Variants in CNTN3 observed in about 807,000 individuals in gnomAD.
The protein encoded by CNTN3 is contactin-3.
A neutral mutation model predicts 119.1 loss-of-function variants in CNTN3; 60 were observed. The observed-to-expected ratio is 0.50, with a 90% confidence interval of 0.41 to 0.62. The LOEUF (loss-of-function observed/expected upper bound fraction) is 0.62. Among genes scored for constraint, CNTN3 ranks in the 20% least tolerant of loss-of-function variants. CNTN3 has a pLI of 0.00. For synonymous variants in CNTN3, 450 were observed against 438.7 expected, an observed-to-expected ratio of 1.03 and a Z score of -0.32; for missense variants, 1,101 against 1,242.4, an observed-to-expected ratio of 0.89 and a Z score of 1.71.
At chr3:74,370,160 G>A (rs1435971542) in intron 6 of CNTN3, among the ~76,000 whole-genome samples, 169 bp from the exon 7 acceptor site, 1 of 152,056 alleles carries the variant, frequency 6.6e-6, no homozygotes, top group East Asian at 1.9e-4. Flanking sequence ...CAGCCATCAA[G>A]TTGTTGATGA....
intron 4 of CNTN3, among the ~76,000 whole-genome samples, chr3:74,450,501 T>TG (rs150227938): frequency 0.28 from 28,315 of 100,028 alleles, 3,229 homozygotes; most frequent in East Asian, 0.51. Context: ...TCTGAAGCCC[T>TG]GTTTTTTTTT....
At chr3:74,496,651 A>G (rs1703069768) in intron 3 of CNTN3, among the ~76,000 whole-genome samples, 1 of 152,016 alleles carries the variant, frequency 6.6e-6, no homozygotes, top group Non-Finnish European at 1.5e-5. Flanking sequence ...TAACCCCATA[A>G]AAAGTGGAAG....
At chr3:74,579,259 CA>C (rs1317285365) in intron 1 of CNTN3, among the ~76,000 whole-genome samples, 1 of 150,952 alleles carries the variant, frequency 6.6e-6, no homozygotes, top group African/African-American at 2.4e-5. Context: ...ACAGCATGCA[CA>C]AATTGACAGA....
chr3:74,519,634 C>T (rs1380967778), intron 2 of CNTN3, among the ~76,000 whole-genome samples: 2 of 151,634 alleles, frequency 1.3e-5, no homozygotes, highest in Non-Finnish European at 3.0e-5. Context: ...TTTTGTGTCA[C>T]TTTTGCTCCT....
At chr3:74,314,596 T>C (rs922382623) in intron 13 of CNTN3, among the ~76,000 whole-genome samples, 23 of 152,152 alleles carry the variant, frequency 1.5e-4, no homozygotes, top group African/African-American at 5.6e-4. Flanking sequence ...TCCAAGAGGA[T>C]GTAACAATTC....
chr3:74,424,733 T>C (rs1473450525), intron 5 of CNTN3, 112 bp downstream of exon 5: 12 of 868,556 alleles, frequency 1.4e-5, no homozygotes, highest in Non-Finnish European at 2.1e-5. Context: ...AATCTAATGC[T>C]CAGGTTATCA....
chr3:74,451,004 T>A (rs576524228), intron 4 of CNTN3, among the ~76,000 whole-genome samples: 2 of 152,138 alleles, frequency 1.3e-5, no homozygotes, highest in East Asian at 1.9e-4. Flanking sequence ...AGCAGCATGA[T>A]TTATAGTCCT....
chr3:74,319,835 A>C (rs932326429), intron 13 of CNTN3, among the ~76,000 whole-genome samples: 21 of 151,856 alleles, frequency 1.4e-4, no homozygotes, highest in Admixed American at 1.1e-3. Context: ...AAAACAAACA[A>C]CCCCATCAAT....
At chr3:74,420,530 T>A (rs1052340030) in intron 5 of CNTN3, among the ~76,000 whole-genome samples, 1 of 152,226 alleles carries the variant, frequency 6.6e-6, no homozygotes, top group Admixed American at 6.5e-5. Context: ...AAACATTTAG[T>A]TAACTCTGGA....
At chr3:74,572,943 G>A (rs1413969334) in intron 1 of CNTN3, among the ~76,000 whole-genome samples, 4 of 152,216 alleles carry the variant, frequency 2.6e-5, no homozygotes, top group Non-Finnish European at 5.9e-5. Context: ...TGCCCGGGCA[G>A]TGCCATCTTT....
intron 1 of CNTN3, among the ~76,000 whole-genome samples, chr3:74,541,214 A>C (rs1703838368): frequency 6.6e-6 from 1 of 152,202 alleles, no homozygotes; most frequent in African/African-American, 2.4e-5. Context: ...ATTCCATTTC[A>C]AGCTGAAGGC....
At chr3:74,522,821 A>T (rs952226510) in intron 1 of CNTN3, among the ~76,000 whole-genome samples, 5 of 151,868 alleles carry the variant, frequency 3.3e-5, no homozygotes, top group Non-Finnish European at 5.9e-5. Flanking sequence ...CTAGCTATTA[A>T]AAGTGGTGTG....
intron 1 of CNTN3, among the ~76,000 whole-genome samples, chr3:74,583,643 G>T (rs1704549834): frequency 6.6e-6 from 1 of 152,056 alleles, no homozygotes; most frequent in African/African-American, 2.4e-5. Flanking sequence ...CCTTTCTATG[G>T]GTACCTGTGA....
chr3:74,375,721 T>C (rs1345771462), intron 5 of CNTN3, among the ~76,000 whole-genome samples: 1 of 152,094 alleles, frequency 6.6e-6, no homozygotes, highest in Non-Finnish European at 1.5e-5. Context: ...AGGTGGCCAC[T>C]GGAAGCCAGA....
chr3:74,564,211 C>G (rs898577472), intron 1 of CNTN3, among the ~76,000 whole-genome samples: 4 of 151,868 alleles, frequency 2.6e-5, no homozygotes, highest in Admixed American at 2.0e-4. Flanking sequence ...ATGAGCAGGT[C>G]AAACAAAAGG....
Position 74,526,720 on chromosome 3 carries a change from T to C in CNTN3, c.-80-5528A>G, listed in dbSNP as rs368043657. ...TACCTTCCATACCCACAGTTCTGTG[T>C]TGACCACAGAACAATGGACAAACAG... On this transcript the variant is annotated intron_variant, in intron 1 of 22. Transcript: ENST00000263665. 9.2e-5 allele frequency among the ~76,000 whole-genome samples: 14 copies of C among 151,986 alleles called. No individual in the cohort carries two copies. The East Asian group carries it at 1.2e-3, about 13-fold the overall frequency.
chr3:74,314,307 A>G (rs1042916646), intron 13 of CNTN3, among the ~76,000 whole-genome samples: 5 of 152,354 alleles, frequency 3.3e-5, no homozygotes, highest in Non-Finnish European at 7.3e-5. Flanking sequence ...TAATGCAGAT[A>G]TCTCAATTAC....
At chr3:74,550,476 G>A (rs1173373055) in intron 1 of CNTN3, among the ~76,000 whole-genome samples, 1 of 152,176 alleles carries the variant, frequency 6.6e-6, no homozygotes, top group Non-Finnish European at 1.5e-5. Flanking sequence ...AAATACTCAG[G>A]TAAGGAAGAA....
rs199678199 is a variant in CNTN3, at chr3:74,264,458, G to A, written c.3030C>T (p.His1010=). Residue 1010 remains histidine, a synonymous_variant, in exon 23 of 23, where the codon CAC becomes CAT. Coordinates refer to ENST00000263665, the MANE Select transcript of CNTN3 (RefSeq NM_020872.3). Reference sequence around the variant, plus strand: ...CTATAGGCATATAACTTGACATAGGGTGGACATTCGAGATGGCTGAAGTGG... The same window carrying A: ...CTATAGGCATATAACTTGACATAGGATGGACATTCGAGATGGCTGAAGTGG... ...RGSTSAISNV[H]PMSSYMPIVL... is the part of the protein sequence containing the mutation. 2.5e-6 allele frequency: 4 copies of A among 1,612,086 alleles called. No homozygotes were observed. The highest frequency in any genetic ancestry group is 3.4e-6 in the Non-Finnish European group (4 of 1,178,808).
Sources: allele counts gnomAD v4.1 joint callset (sites outside exome capture counted in the v4.1 genomes callset), GRCh38; gene constraint gnomAD v4.1.1; transcripts MANE v1.5; gene names NCBI Gene and HGNC (gene_info 2026-07-23, HGNC 2026-07-21).